DMD: variants seen among roughly 807,000 people sequenced by gnomAD.
The protein encoded by DMD is dystrophin.
DMD carries 63 observed loss-of-function variants against 330.1 expected under a neutral mutation model. That is an observed-to-expected ratio of 0.19 (90% confidence interval 0.16 to 0.24). The LOEUF is 0.24. DMD is among the 10% of genes least tolerant of loss of function. The probability of loss-of-function intolerance (pLI) is 1.00; values close to 1 mark genes in which losing one functional copy is unlikely to be tolerated. For synonymous variants in DMD, 1,223 were observed against 959.8 expected (o/e 1.27, Z -5.07); for missense variants, 3,344 against 2,684.1 (o/e 1.25, Z -5.43).
At chrX:31,655,873 C>T (rs755865027) in intron 54 of DMD, among the ~76,000 whole-genome samples, 5 of 111,408 alleles carry the variant, frequency 4.5e-5, no homozygotes, top group South Asian at 3.8e-4. Context: ...TACGGAAGCA[C>T]GAAAAGGACT....
intron 3 of DMD, among the ~76,000 whole-genome samples, chrX:32,849,514 T>C (rs755436352): frequency 1.7e-4 from 19 of 111,965 alleles, no homozygotes; most frequent in African/African-American, 6.2e-4. Flanking sequence ...TAATATCTAT[T>C]AATATAAATT....
chrX:32,790,992 A>C (rs947503067), intron 7 of DMD, among the ~76,000 whole-genome samples: 2 of 110,547 alleles, frequency 1.8e-5, no homozygotes, highest in Non-Finnish European at 3.8e-5. Flanking sequence ...CAAATCCCCC[A>C]GTACATAAAA....
chrX:33,079,631 T>C (rs752411734), intron 1 of DMD, among the ~76,000 whole-genome samples: 2 of 111,577 alleles, frequency 1.8e-5, no homozygotes, highest in African/African-American at 3.3e-5. Context: ...AATGTCATTT[T>C]TGGACTTTAG....
rs550544963 is a variant in DMD at position 32,229,649 on chromosome X, C to CATATATAT, written c.6291-12594_6291-12587dup. On this transcript the variant is annotated intron_variant, in intron 43 of 78. Coordinates refer to ENST00000357033, the MANE Select transcript of DMD (RefSeq NM_004006.3). ...CATACAAAAAGCTGTACATATTTTA[C>CATATATAT]ATATATATATATATATCTCAAAGAG... is the stretch of plus-strand genomic sequence containing the variant. Among the ~76,000 whole-genome samples, 261 of 61,187 alleles carry CATATATAT rather than the reference C, an allele frequency of 4.3e-3. 2 individuals are homozygous for CATATATAT. Among genetic ancestry groups the CATATATAT allele is most frequent in the African/African-American group, 0.015 (241 of 16,271 alleles). 53.1% of individuals were successfully genotyped at this position (61,187 alleles called of 115,157 possible).
chrX:32,133,169 C>A (rs1167750886), intron 44 of DMD, among the ~76,000 whole-genome samples: 1 of 109,146 alleles, frequency 9.2e-6, no homozygotes, highest in Non-Finnish European at 1.9e-5. Context: ...CCACCACACC[C>A]AGCTAATTTT....
At chrX:32,014,967 G>T (rs192817807) in intron 44 of DMD, among the ~76,000 whole-genome samples, 26 of 112,284 alleles carry the variant, frequency 2.3e-4, no homozygotes, top group African/African-American at 8.1e-4. Flanking sequence ...TGCGAAGATG[G>T]TAGTTCTTAA....
intron 17 of DMD, among the ~76,000 whole-genome samples, chrX:32,523,865 G>A (rs2046673837): frequency 9.1e-6 from 1 of 109,856 alleles, no homozygotes; most frequent in Admixed American, 9.7e-5. Context: ...CCAATTCACT[G>A]CAGAAAAAAG....
chrX:31,821,242 G>A (rs2092750062), intron 49 of DMD, among the ~76,000 whole-genome samples: 1 of 112,860 alleles, frequency 8.9e-6, no homozygotes, highest in East Asian at 2.8e-4. Context: ...ATCACCTGGA[G>A]ACCTTGCTAA....
intron 49 of DMD, among the ~76,000 whole-genome samples, chrX:31,821,309 AATTTGC>A (rs1385572517): frequency 8.9e-6 from 1 of 112,417 alleles, no homozygotes; most frequent in Admixed American, 9.4e-5. Context: ...GGAGCCCAAT[AATTTGC>A]ATTTTTAACA....
intron 50 of DMD, among the ~76,000 whole-genome samples, chrX:31,796,167 A>G (rs571836751): frequency 8.9e-6 from 1 of 112,412 alleles, no homozygotes; most frequent in South Asian, 3.7e-4. Flanking sequence ...TGTAGTTTTA[A>G]TGGATTTGCA....
intron 7 of DMD, among the ~76,000 whole-genome samples, chrX:32,762,111 A>G (rs1245624969): frequency 3.7e-5 from 4 of 107,120 alleles, no homozygotes; most frequent in East Asian, 3.0e-4. Flanking sequence ...AGATCGTACC[A>G]CTGCACTCCA....
intron 52 of DMD, among the ~76,000 whole-genome samples, chrX:31,714,200 G>A (rs1038677974): frequency 9.0e-6 from 1 of 111,450 alleles, no homozygotes; most frequent in African/African-American, 3.3e-5. Context: ...GGTATGTTAA[G>A]GGATGGTGCC....
At chrX:32,127,384 CA>C (rs1347302720) in intron 44 of DMD, among the ~76,000 whole-genome samples, 2 of 111,544 alleles carry the variant, frequency 1.8e-5, no homozygotes, top group African/African-American at 6.5e-5. Context: ...ATGACATCAT[CA>C]AGAAGGATAA....
intron 63 of DMD, among the ~76,000 whole-genome samples, chrX:31,226,732 T>C (rs1202542766): frequency 8.9e-6 from 1 of 111,926 alleles, no homozygotes; most frequent in Non-Finnish European, 1.9e-5. Flanking sequence ...CCCCTCCAGA[T>C]TGGTGCAACA....
intron 2 of DMD, among the ~76,000 whole-genome samples, chrX:32,865,659 C>T (rs1043241898): frequency 8.9e-6 from 1 of 112,600 alleles, no homozygotes; most frequent in Non-Finnish European, 1.9e-5. Flanking sequence ...TTCTTTTCAC[C>T]CTTTCAAACA....
At chrX:33,083,849 C>T (rs747572598) in intron 1 of DMD, among the ~76,000 whole-genome samples, 243 of 111,247 alleles carry the variant, frequency 2.2e-3, no homozygotes, top group Non-Finnish European at 3.7e-3. Context: ...AGACACCCCA[C>T]AATGGAGTAA....
At chrX:33,149,896 G>A (rs1202598541) in intron 1 of DMD, among the ~76,000 whole-genome samples, 2 of 111,468 alleles carry the variant, frequency 1.8e-5, no homozygotes, top group Non-Finnish European at 3.8e-5. Flanking sequence ...AAAGTGACTG[G>A]TGTTTTAAGC....
intron 63 of DMD, among the ~76,000 whole-genome samples, chrX:31,228,121 TG>T (rs2046821023): frequency 1.7e-5 from 1 of 58,834 alleles, no homozygotes. Flanking sequence ...GTGGGGGGAG[TG>T]GGGGGGATAG....
intron 44 of DMD, among the ~76,000 whole-genome samples, chrX:32,162,431 G>A (rs1666594561): frequency 9.1e-6 from 1 of 110,307 alleles, no homozygotes; most frequent in African/African-American, 3.3e-5. Flanking sequence ...TTATCCTTAT[G>A]TTCTTGCTGT....
Sources: allele counts gnomAD v4.1 joint callset (sites outside exome capture counted in the v4.1 genomes callset), GRCh38; gene constraint gnomAD v4.1.1; transcripts MANE v1.5; gene names NCBI Gene and HGNC (gene_info 2026-07-23, HGNC 2026-07-21).